IGFBP7: variants seen among roughly 807,000 people sequenced by gnomAD.
IGFBP7 encodes insulin-like growth factor-binding protein 7.
IGFBP7 carries 31 observed loss-of-function variants against 29.4 expected under a neutral mutation model. That is an observed-to-expected ratio of 1.05 (90% CI 0.79 to 1.42). The LOEUF (loss-of-function observed/expected upper bound fraction) is 1.42, where lower values mean the gene tolerates loss of function less well. IGFBP7 is among the 40% of genes most tolerant of loss of function. IGFBP7 has a pLI of 0.00. For synonymous variants in IGFBP7, 172 were observed against 174.9 expected (o/e 0.98, Z 0.13); for missense variants, 393 against 395.5 (o/e 0.99, Z 0.05).
At position 57,084,897 on chromosome 4, in the gene IGFBP7, C is replaced by G. The variant is rs1725461628; in HGVS notation, c.475+24980G>C. The stretch of plus-strand genomic sequence containing the variant: ...CCTCAGACTCCTGGGCTCAGTTTGT[C>G]CTACCACCTCAGCCTCCCAAGTAGC... On this transcript the variant is annotated intron_variant, in intron 1 of 4. Coordinates refer to ENST00000295666, the MANE Select transcript of IGFBP7 (RefSeq NM_001553.3). Among the ~76,000 whole-genome samples the G allele has an allele frequency of 2.2e-5, 3 of 138,516 alleles. No individual in the cohort carries two copies. The South Asian group carries it at 7.1e-4, about 33-fold the overall frequency. The allele number at this position is 138,516 out of a possible 152,430, so 90.9% of individuals were successfully genotyped here.
At chr4:57,044,114 A>T (rs1003177229) in intron 1 of IGFBP7, among the ~76,000 whole-genome samples, 4 of 152,208 alleles carry the variant, frequency 2.6e-5, no homozygotes, top group African/African-American at 9.7e-5. Flanking sequence ...TATCCAAACC[A>T]CACAAGGAAT....
chr4:57,068,799 A>G (rs1244839331), intron 1 of IGFBP7, among the ~76,000 whole-genome samples: 1 of 152,232 alleles, frequency 6.6e-6, no homozygotes, highest in African/African-American at 2.4e-5. Flanking sequence ...GATTGTGTTT[A>G]AATTTAGAAC....
intron 1 of IGFBP7, among the ~76,000 whole-genome samples, chr4:57,105,824 T>C (rs1014211752): frequency 5.3e-5 from 8 of 152,158 alleles, no homozygotes; most frequent in Non-Finnish European, 8.8e-5. Flanking sequence ...ATACATCATT[T>C]TGGGGTGGGG....
intron 1 of IGFBP7, among the ~76,000 whole-genome samples, chr4:57,066,116 T>A (rs1724916654): frequency 6.6e-6 from 1 of 152,214 alleles, no homozygotes; most frequent in African/African-American, 2.4e-5. Flanking sequence ...CCCCACTTTT[T>A]AGGTGGAGCT....
intron 1 of IGFBP7, among the ~76,000 whole-genome samples, chr4:57,088,175 T>G (rs1375269804): frequency 6.6e-6 from 1 of 151,970 alleles, no homozygotes; most frequent in Non-Finnish European, 1.5e-5. Context: ...AGGGTCTCAC[T>G]ATGTTGCCCA....
intron 1 of IGFBP7, among the ~76,000 whole-genome samples, chr4:57,099,721 G>A (rs1415625586): frequency 6.6e-6 from 1 of 152,154 alleles, no homozygotes; most frequent in Non-Finnish European, 1.5e-5. Context: ...CAACTGAAAG[G>A]TTGGGCTCTA....
chr4:57,043,428 G>T (rs1724278825), intron 1 of IGFBP7, among the ~76,000 whole-genome samples: 1 of 152,122 alleles, frequency 6.6e-6, no homozygotes, highest in Non-Finnish European at 1.5e-5. Flanking sequence ...TCCCCTTTAG[G>T]ACTGGAAAGT....
chr4:57,038,899 T>C (rs1043938984), intron 2 of IGFBP7, among the ~76,000 whole-genome samples: 11 of 151,862 alleles, frequency 7.2e-5, no homozygotes, highest in African/African-American at 2.4e-4. Flanking sequence ...AAACCCTGTC[T>C]CTACTGAAAA....
chr4:57,037,840 C>T lies in IGFBP7; in HGVS notation c.585+2984G>A, dbSNP rs145769006. Among the ~76,000 whole-genome samples, 77 of 152,198 alleles carry T rather than the reference C, an allele frequency of 5.1e-4. 1 individual carries two copies. In the South Asian group the frequency reaches 0.014, roughly 27 times the overall value. On this transcript the variant is annotated intron_variant, in intron 2 of 4. Coordinates refer to ENST00000295666, the MANE Select transcript of IGFBP7 (RefSeq NM_001553.3). ...AACGGAGCTTTTCATGGGTATTCCT[C>T]GGAACATTATTTCTCCACCTCCCCA...
At position 57,066,556 on chromosome 4, in the gene IGFBP7, C is replaced by T. The variant is rs1724925978; in HGVS notation, c.476-25623G>A. Among the ~76,000 whole-genome samples the T allele has an allele frequency of 3.3e-5, 5 of 152,088 alleles. No homozygotes were observed. The South Asian group carries it at 1.0e-3, about 32-fold the overall frequency. Reference sequence around the variant, plus strand: ...TGCAGTAGCAAACAAATAATATTTTCCTTTAGTTTTAAGTTTTTTTTTTTG... The same window carrying T: ...TGCAGTAGCAAACAAATAATATTTTTCTTTAGTTTTAAGTTTTTTTTTTTG... On this transcript the variant is annotated intron_variant, in intron 1 of 4. Transcript: ENST00000295666.
At chr4:57,045,284 G>A (rs928910053) in intron 1 of IGFBP7, among the ~76,000 whole-genome samples, 9 of 152,222 alleles carry the variant, frequency 5.9e-5, no homozygotes, top group African/African-American at 1.7e-4. Context: ...TGATGTAGTG[G>A]AAGGGCAGAG....
At chr4:57,066,340 A>G (rs543328303) in intron 1 of IGFBP7, among the ~76,000 whole-genome samples, 1 of 152,234 alleles carries the variant, frequency 6.6e-6, no homozygotes, top group Non-Finnish European at 1.5e-5. Context: ...CCTCCTGACA[A>G]CGGCCATGTG....
intron 1 of IGFBP7, among the ~76,000 whole-genome samples, chr4:57,092,356 C>T (rs1725661795): frequency 6.6e-6 from 1 of 152,138 alleles, no homozygotes; most frequent in African/African-American, 2.4e-5. Context: ...AATAACTCTT[C>T]ATGATCTGAG....
intron 2 of IGFBP7, among the ~76,000 whole-genome samples, chr4:57,034,548 C>T (rs964586248): frequency 2.0e-5 from 3 of 151,598 alleles, no homozygotes; most frequent in East Asian, 1.9e-4. Flanking sequence ...TATATAGACA[C>T]CGTATGTATA....
chr4:57,046,121 C>G lies in IGFBP7; in HGVS notation c.476-5188G>C, dbSNP rs143893578. 4.4e-3 allele frequency among the ~76,000 whole-genome samples: 676 copies of G among 152,052 alleles called. 20 individuals are homozygous for G. Among genetic ancestry groups the G allele is most frequent in the Admixed American group, 0.037 (572 of 15,268 alleles). On this transcript the variant is annotated intron_variant, in intron 1 of 4. Coordinates refer to ENST00000295666, the MANE Select transcript of IGFBP7 (RefSeq NM_001553.3). Reference sequence around the variant, plus strand: ...ATAAGCAAGCGACTTAATGGTGACCCACAGGGACACCAAGAGGACAAGTCT... The same window carrying G: ...ATAAGCAAGCGACTTAATGGTGACCGACAGGGACACCAAGAGGACAAGTCT...
intron 3 of IGFBP7, 25 bp downstream of exon 3, chr4:57,033,169 TG>T (rs766537978): frequency 6.8e-7 from 1 of 1,467,536 alleles, no homozygotes; most frequent in Non-Finnish European, 9.6e-7. Context: ...ATGAAACTCT[TG>T]CCAGCTCTTG....
Position 57,031,156 on chromosome 4 carries a change from G to A in IGFBP7, c.*161C>T. 1.4e-6 allele frequency: 1 copy of A among 736,374 alleles called. No individual in the cohort carries two copies. The highest frequency in any genetic ancestry group is 1.7e-5 in the South Asian group (1 of 59,982). 45.6% of individuals were successfully genotyped at this position (736,374 alleles called of 1,614,324 possible). On this transcript the variant is annotated 3_prime_UTR_variant, in exon 5 of 5. Coordinates refer to ENST00000295666, the MANE Select transcript of IGFBP7 (RefSeq NM_001553.3). ...AATATATAATAAATTTTTGTAGATA[G>A]TCTTGATGTGTGATCTTTATTTTGT...
intron 1 of IGFBP7, among the ~76,000 whole-genome samples, chr4:57,082,936 C>A (rs186281409): frequency 6.6e-6 from 1 of 152,110 alleles, no homozygotes; most frequent in East Asian, 1.9e-4. Flanking sequence ...GCTTAAACTG[C>A]CTTTTTTTCA....
At chr4:57,068,279 C>G (rs1286513858) in intron 1 of IGFBP7, among the ~76,000 whole-genome samples, 2 of 147,492 alleles carry the variant, frequency 1.4e-5, no homozygotes, top group Non-Finnish European at 3.0e-5. Flanking sequence ...GACAGAGACC[C>G]TGTCTCAAAA....
Sources: allele counts gnomAD v4.1 joint callset (sites outside exome capture counted in the v4.1 genomes callset), GRCh38; gene constraint gnomAD v4.1.1; transcripts MANE v1.5; gene names NCBI Gene and HGNC (gene_info 2026-07-23, HGNC 2026-07-21).